L3MBTL4: variants seen among roughly 807,000 people sequenced by gnomAD.
L3MBTL4 encodes lethal(3)malignant brain tumor-like protein 4.
Under a neutral mutation model 84.5 loss-of-function variants are expected in L3MBTL4, and 70 were observed. The observed-to-expected ratio is 0.83, with a 90% CI of 0.68 to 1.01. L3MBTL4 has a LOEUF of 1.01. L3MBTL4 is among the 50% of genes least tolerant of loss of function. The pLI, the probability that L3MBTL4 is intolerant of heterozygous loss-of-function variation, is 0.00. For missense variants in L3MBTL4, 715 were observed against 754.8 expected, an observed-to-expected ratio of 0.95 and a Z score of 0.62; for synonymous variants, 274 against 259.8, an observed-to-expected ratio of 1.05 and a Z score of -0.52.
intron 16 of L3MBTL4, among the ~76,000 whole-genome samples, chr18:6,043,072 C>T (rs927461782): frequency 6.6e-6 from 1 of 152,144 alleles, no homozygotes; most frequent in African/African-American, 2.4e-5. Flanking sequence ...CTGTCTCACA[C>T]CCCCATTATC....
At chr18:6,233,591 T>G (rs1339929985) in intron 10 of L3MBTL4, among the ~76,000 whole-genome samples, 1 of 151,392 alleles carries the variant, frequency 6.6e-6, no homozygotes, top group Non-Finnish European at 1.5e-5. Flanking sequence ...ATAAAATACC[T>G]AGGAATCCAA....
intron 14 of L3MBTL4, among the ~76,000 whole-genome samples, chr18:6,105,044 T>C (rs932574847): frequency 1.3e-5 from 2 of 152,108 alleles, no homozygotes; most frequent in African/African-American, 4.8e-5. Flanking sequence ...ATTGGGGGCA[T>C]TAATATAATT....
In L3MBTL4 at chr18:6,203,520, T is replaced by C. The variant is rs531866687; in HGVS notation, c.981+9629A>G. ...AGTATTGAGTTGGGAGAGCCTGATG[T>C]CTGCTGAATTCAGAGCCAAAAGAAG... is the stretch of plus-strand genomic sequence containing the variant. On this transcript the variant is annotated intron_variant, in intron 12 of 18. Coordinates refer to ENST00000317931, the MANE Select transcript of L3MBTL4 (RefSeq NM_001330559.2). 3.3e-5 allele frequency among the ~76,000 whole-genome samples: 5 copies of C among 152,246 alleles called. No homozygotes were observed. The East Asian group carries it at 7.7e-4, about 24-fold the overall frequency.
At chr18:6,012,022 C>T (rs1464083015) in intron 16 of L3MBTL4, among the ~76,000 whole-genome samples, 1 of 152,170 alleles carries the variant, frequency 6.6e-6, no homozygotes, top group African/African-American at 2.4e-5. Context: ...ACATTAAATT[C>T]AAGTTTTCCT....
At chr18:6,095,610 G>C (rs1002194776) in intron 14 of L3MBTL4, among the ~76,000 whole-genome samples, 40 of 152,056 alleles carry the variant, frequency 2.6e-4, no homozygotes, top group African/African-American at 9.4e-4. Flanking sequence ...TCGGCCTCCC[G>C]AAGTGCTGGG....
chr18:6,229,851 G>A (rs1212796867), intron 10 of L3MBTL4, among the ~76,000 whole-genome samples: 1 of 152,054 alleles, frequency 6.6e-6, no homozygotes, highest in East Asian at 1.9e-4. Flanking sequence ...ATCCCCATGT[G>A]AGGACCACAC....
intron 16 of L3MBTL4, 48 bp downstream of exon 16, chr18:6,080,833 G>A (rs761322059): frequency 1.1e-5 from 15 of 1,332,214 alleles, no homozygotes; most frequent in Non-Finnish European, 1.5e-5. Flanking sequence ...AAGACATTCT[G>A]CACAACAAAA....
intron 17 of L3MBTL4, among the ~76,000 whole-genome samples, chr18:5,962,492 G>A (rs535020112): frequency 6.6e-6 from 1 of 152,236 alleles, no homozygotes; most frequent in East Asian, 1.9e-4. Context: ...GTGTGGGTCT[G>A]TACTTCCTCC....
At chr18:6,285,807 A>ATG (rs1283943930) in intron 4 of L3MBTL4, among the ~76,000 whole-genome samples, 158 of 126,716 alleles carry the variant, frequency 1.2e-3, no homozygotes, top group African/African-American at 5.0e-3. Context: ...TTTTTAAAAG[A>ATG]TATATTATTA....
chr18:6,059,576 A>AT (rs1245418230), intron 16 of L3MBTL4, among the ~76,000 whole-genome samples: 2 of 151,944 alleles, frequency 1.3e-5, no homozygotes, highest in Non-Finnish European at 2.9e-5. Flanking sequence ...GGGCAAATGG[A>AT]TTTTTTTGAA....
intron 16 of L3MBTL4, among the ~76,000 whole-genome samples, chr18:5,983,861 T>C (rs2053348746): frequency 6.6e-6 from 1 of 152,184 alleles, no homozygotes; most frequent in African/African-American, 2.4e-5. Context: ...AATGATACAG[T>C]GAGGCTTCAT....
intron 3 of L3MBTL4, among the ~76,000 whole-genome samples, chr18:6,308,055 A>C (rs2050670576): frequency 6.6e-6 from 1 of 152,194 alleles, no homozygotes; most frequent in Non-Finnish European, 1.5e-5. Context: ...TCATTTCCCC[A>C]ATCACCACGT....
At position 6,363,557 on chromosome 18, in the gene L3MBTL4, A is replaced by G. The variant is rs561864203; in HGVS notation, c.-91+51244T>C. 5.3e-5 allele frequency among the ~76,000 whole-genome samples: 8 copies of G among 152,330 alleles called. No homozygotes were observed. In the East Asian group the frequency reaches 1.5e-3, roughly 29 times the overall value. On this transcript the variant is annotated intron_variant, in intron 1 of 18. Coordinates refer to ENST00000317931, the MANE Select transcript of L3MBTL4 (RefSeq NM_001330559.2). Reference sequence around the variant, plus strand: ...CTTTTGGAAACCCAGATGTAACAAAAATACTAACAGCTAACTTGCTGAGGG... The same window carrying G: ...CTTTTGGAAACCCAGATGTAACAAAGATACTAACAGCTAACTTGCTGAGGG...
chr18:6,076,945 G>A (rs560571506), intron 16 of L3MBTL4, among the ~76,000 whole-genome samples: 52 of 152,246 alleles, frequency 3.4e-4, no homozygotes, highest in Admixed American at 1.8e-3. Flanking sequence ...AGCGTCTAAC[G>A]GCGACAGGAC....
At chr18:6,130,409 C>T (rs957502637) in intron 14 of L3MBTL4, among the ~76,000 whole-genome samples, 3 of 152,128 alleles carry the variant, frequency 2.0e-5, no homozygotes, top group Admixed American at 6.6e-5. Context: ...CCACTAAGAG[C>T]ACCCAAAAAT....
intron 1 of L3MBTL4, among the ~76,000 whole-genome samples, chr18:6,326,998 GA>G (rs1283447196): frequency 1.3e-5 from 2 of 152,076 alleles, no homozygotes; most frequent in Non-Finnish European, 2.9e-5. Context: ...GCAACACTTA[GA>G]AAAAGGAAAA....
At chr18:6,264,637 A>T (rs2048550304) in intron 4 of L3MBTL4, among the ~76,000 whole-genome samples, 1 of 152,134 alleles carries the variant, frequency 6.6e-6, no homozygotes, top group Non-Finnish European at 1.5e-5. Context: ...TACAAAAATT[A>T]GCTGGGCATC....
At chr18:6,318,516 A>C (rs2051231602) in intron 1 of L3MBTL4, among the ~76,000 whole-genome samples, 2 of 146,858 alleles carry the variant, frequency 1.4e-5, no homozygotes, top group South Asian at 2.1e-4. Context: ...AAAAAAAAAA[A>C]AAAAAAAAAG....
chr18:6,233,860 A>G (rs2047099861), intron 10 of L3MBTL4, among the ~76,000 whole-genome samples: 1 of 152,082 alleles, frequency 6.6e-6, no homozygotes, highest in African/African-American at 2.4e-5. Context: ...CATTGTCAAG[A>G]CAATCCTAAG....
Sources: gnomAD v4.1 joint callset for allele counts (sites outside exome capture counted in the v4.1 genomes callset) on GRCh38, gnomAD v4.1.1 for gene constraint, MANE v1.5 for transcripts, NCBI Gene and HGNC (gene_info 2026-07-23, HGNC 2026-07-21) for gene names.